The following NME8 variants were observed in gnomAD, a reference collection of about 807,000 sequenced individuals.
NME8 encodes NME/NM23 family member 8.
A neutral mutation model predicts 82.3 loss-of-function variants in NME8; 72 were observed. That is an observed-to-expected ratio of 0.87 (90% confidence interval 0.72 to 1.06). The LOEUF is 1.06. Among genes scored for constraint, NME8 ranks in the 50% least tolerant of loss-of-function variants. NME8 has a pLI of 0.00. For synonymous variants in NME8, 267 were observed against 228.5 expected, an observed-to-expected ratio of 1.17 and a Z score of -1.52; for missense variants, 712 against 685.4, an observed-to-expected ratio of 1.04 and a Z score of -0.43.
intron 7 of NME8, among the ~76,000 whole-genome samples, chr7:37,863,189 TC>T (rs1784623514): frequency 6.6e-6 from 1 of 152,194 alleles, no homozygotes; most frequent in Non-Finnish European, 1.5e-5. Context: ...TATGCATTAT[TC>T]CTGCCCCTTC....
At chr7:37,860,919 C>T (rs1784589645) in intron 6 of NME8, among the ~76,000 whole-genome samples, 1 of 152,186 alleles carries the variant, frequency 6.6e-6, no homozygotes, top group African/African-American at 2.4e-5. Flanking sequence ...CATCTCTTTA[C>T]ATCACATTCT....
chr7:37,875,343 A>G (rs1366171006), intron 11 of NME8, among the ~76,000 whole-genome samples: 2 of 152,064 alleles, frequency 1.3e-5, no homozygotes, highest in African/African-American at 4.8e-5. Context: ...TATTTCCTGA[A>G]GTATTTAGAG....
rs973025625 is a variant in NME8 at position 37,887,716 on chromosome 7, G to A, written c.1248-561G>A. On this transcript the variant is annotated intron_variant, in intron 14 of 17. Coordinates refer to ENST00000199447, the MANE Select transcript of NME8 (RefSeq NM_016616.5). Reference sequence around the variant, plus strand: ...GACTGGGTAATTTATAAAGAAAAGAGGTTTAATTGGCTCACAGTTCCGCAT... The same window carrying A: ...GACTGGGTAATTTATAAAGAAAAGAAGTTTAATTGGCTCACAGTTCCGCAT... Among the ~76,000 whole-genome samples the A allele has an allele frequency of 1.4e-4, 21 of 152,114 alleles. 1 individual carries two copies. The highest frequency in any genetic ancestry group is 1.1e-3 in the Admixed American group (17 of 15,256).
chr7:37,869,829 C>T (rs1054598350), intron 11 of NME8, among the ~76,000 whole-genome samples: 1 of 152,098 alleles, frequency 6.6e-6, no homozygotes, highest in East Asian at 1.9e-4. Context: ...CAAAATATGG[C>T]GCTTTGACAT....
intron 5 of NME8, among the ~76,000 whole-genome samples, 179 bp downstream of exon 5, chr7:37,850,914 T>A (rs1784430595): frequency 6.6e-6 from 1 of 152,240 alleles, no homozygotes; most frequent in African/African-American, 2.4e-5. Flanking sequence ...TGAATATGAT[T>A]TTTATCCCAT....
intron 2 of NME8, among the ~76,000 whole-genome samples, chr7:37,849,386 A>G (rs566603525): frequency 5.7e-4 from 87 of 152,332 alleles, no homozygotes; most frequent in African/African-American, 1.9e-3. Context: ...TAAAAAAACC[A>G]GACGACGTGT....
At chr7:37,851,171 A>C (rs1784433849) in intron 5 of NME8, among the ~76,000 whole-genome samples, 4 of 152,192 alleles carry the variant, frequency 2.6e-5, no homozygotes. Context: ...AGGGATTAAA[A>C]TATTATAGCC....
intron 11 of NME8, among the ~76,000 whole-genome samples, chr7:37,871,859 A>G (rs930310584): frequency 6.6e-6 from 1 of 152,124 alleles, no homozygotes; most frequent in Non-Finnish European, 1.5e-5. Flanking sequence ...TACAATTCCT[A>G]AAATAATCCT....
At chr7:37,874,871 T>C (rs553727912) in intron 11 of NME8, among the ~76,000 whole-genome samples, 3 of 152,300 alleles carry the variant, frequency 2.0e-5, no homozygotes, top group South Asian at 4.1e-4. Context: ...GATTACTTAT[T>C]AATTATAAGG....
rs11334674 is a variant in NME8 at position 37,876,681 on chromosome 7, AT to A, written c.819-150del. ...TGAATTAAGTATCATATTCTTGGATATAATAGGGAGATGCAATTTATCTTTA... is the reference window on the plus strand; with the variant it reads ...TGAATTAAGTATCATATTCTTGGATAAATAGGGAGATGCAATTTATCTTTA... On this transcript the variant is annotated intron_variant, in intron 11 of 17. Coordinates refer to ENST00000199447, the MANE Select transcript of NME8 (RefSeq NM_016616.5). 0.11 allele frequency: 68,624 copies of A among 612,146 alleles called. 5,305 individuals are homozygous for A. The highest frequency in any genetic ancestry group is 0.26 in the African/African-American group (13,783 of 54,028). The allele number at this position is 612,146 out of a possible 1,614,324, so 37.9% of individuals were successfully genotyped here.
intron 15 of NME8, 140 bp from the exon 16 acceptor site, chr7:37,894,326 A>G: frequency 1.2e-6 from 1 of 837,170 alleles, no homozygotes; most frequent in Non-Finnish European, 1.9e-6. Flanking sequence ...TTGGAATTTT[A>G]ATTTCGTTTG....
intron 14 of NME8, among the ~76,000 whole-genome samples, chr7:37,885,643 C>G (rs1785030003): frequency 6.6e-6 from 1 of 152,124 alleles, no homozygotes; most frequent in Non-Finnish European, 1.5e-5. Context: ...TGAATATGTA[C>G]TCTACAATTC....
intron 5 of NME8, among the ~76,000 whole-genome samples, chr7:37,855,558 C>T (rs1481579286): frequency 1.3e-5 from 2 of 152,264 alleles, no homozygotes; most frequent in Middle Eastern, 3.4e-3. Context: ...CATTAAAAAC[C>T]TGTTCAGGTA....
Position 37,862,115 on chromosome 7 carries a change from A to C in NME8, c.358A>C (p.Ile120Leu). ...TAATTTGATCGATGAGGAGAGAAAA[A>C]TTGCAGCAGGTGAAATGGCTCGACC... ...VINLIDEERKIAAGEMARPQY... is the reference protein window; with the variant it reads ...VINLIDEERKLAAGEMARPQY... Residue 120 changes from isoleucine to leucine, a missense_variant, in exon 7 of 18, where the codon ATT becomes CTT. Ile to Leu is a conservative substitution (Grantham distance 5). Transcript: ENST00000199447. 6.2e-7 allele frequency: 1 copy of C among 1,613,298 alleles called. No individual in the cohort carries two copies. Among genetic ancestry groups the C allele is most frequent in the Non-Finnish European group, 8.5e-7 (1 of 1,179,362 alleles).
chr7:37,877,456 T>C (rs980536088), intron 12 of NME8, among the ~76,000 whole-genome samples: 1 of 152,202 alleles, frequency 6.6e-6, no homozygotes, highest in Non-Finnish European at 1.5e-5. Flanking sequence ...TCCCATATTC[T>C]TATAGCAGAG....
rs2954603 is a variant in NME8 at position 37,894,800 on chromosome 7, A to C, written c.1544+190A>C. Among the ~76,000 whole-genome samples the C allele has an allele frequency of 0.97, 147,184 of 152,106 alleles. 71,387 individuals are homozygous for C. Among genetic ancestry groups the C allele is most frequent in the East Asian group, 1 (5,164 of 5,164 alleles). ...CTCCCTATCTTCTTTTCTCTCTCTC[A>C]TTCTGTCTCTCCTCGCTCCCTTTCT... On this transcript the variant is annotated intron_variant, in intron 16 of 17. Transcript: ENST00000199447.
At position 37,894,587 on chromosome 7, in the gene NME8, A is replaced by G; in HGVS notation, c.1521A>G (p.Lys507=). 6.3e-7 allele frequency: 1 copy of G among 1,593,062 alleles called. No individual in the cohort carries two copies. Among genetic ancestry groups the G allele is most frequent in the Non-Finnish European group, 8.6e-7 (1 of 1,161,316 alleles). ...YPKVTGKDFY[K]DLLEMLSVGP... ...AAGTAACAGGAAAAGACTTTTATAA[A>G]GATTTATTGGAAATGTTATCTGTGT... Residue 507 remains lysine, a synonymous_variant, in exon 16 of 18, where the codon AAA becomes AAG. Coordinates refer to ENST00000199447, the MANE Select transcript of NME8 (RefSeq NM_016616.5).
chr7:37,860,365 T>C (rs1325865202), intron 6 of NME8, among the ~76,000 whole-genome samples: 1 of 152,176 alleles, frequency 6.6e-6, no homozygotes, highest in Non-Finnish European at 1.5e-5. Flanking sequence ...TCCACCAAAA[T>C]TGCTGTTGCT....
At chr7:37,860,176 CT>C (rs1562830058) in intron 6 of NME8, among the ~76,000 whole-genome samples, 1 of 152,202 alleles carries the variant, frequency 6.6e-6, no homozygotes, top group East Asian at 1.9e-4. Context: ...ATGATTAAGT[CT>C]TTTCAATTTA....
Sources: allele counts gnomAD v4.1 joint callset (sites outside exome capture counted in the v4.1 genomes callset), GRCh38; gene constraint gnomAD v4.1.1; transcripts MANE v1.5; gene names NCBI Gene and HGNC (gene_info 2026-07-23, HGNC 2026-07-21).